ZNF184: variants seen among roughly 807,000 people sequenced by gnomAD.
ZNF184 encodes the protein zinc finger protein 184, also known as zinc finger protein 184 (Kruppel-like).
In ZNF184, 16 loss-of-function variants were observed where a neutral mutation model predicts 54.4. The observed-to-expected ratio is 0.29, with a 90% confidence interval of 0.20 to 0.45. ZNF184 has a LOEUF of 0.45. ZNF184 is among the 20% of genes least tolerant of loss of function. The pLI is 1.00. For missense variants in ZNF184, 681 were observed against 888.2 expected, an observed-to-expected ratio of 0.77 and a Z score of 2.97; for synonymous variants, 254 against 295.3, an observed-to-expected ratio of 0.86 and a Z score of 1.43.
chr6:27,441,010 A>G, the ZNF184 span, among the ~76,000 whole-genome samples: 285 of 152,200 alleles, frequency 1.9e-3, no homozygotes, highest in African/African-American at 6.2e-3. Flanking sequence ...GTCTCAAAAA[A>G]ATAAATAAAT....
chr6:27,405,534 C>A, the ZNF184 span: 1 of 152,258 alleles, frequency 6.6e-6, no homozygotes, highest in Non-Finnish European at 1.5e-5. Context: ...CCCCAGGCCC[C>A]ATGGCCTTAT....
intron 3 of ZNF184, among the ~76,000 whole-genome samples, chr6:27,464,908 T>C (rs1044913447): frequency 2.1e-5 from 3 of 144,718 alleles, no homozygotes; most frequent in East Asian, 4.2e-4. Flanking sequence ...TCCTAGCTAC[T>C]GGAGAGGCTG....
intron 2 of ZNF184, 143 bp from the exon 3 acceptor site, chr6:27,468,063 G>T: frequency 3.0e-6 from 2 of 673,804 alleles, no homozygotes; most frequent in Non-Finnish European, 4.6e-6. Context: ...AAAGTTACAA[G>T]ATAACTGGGG....
rs867113778 is a variant in ZNF184, at chr6:27,452,067, T to C, written c.1492A>G (p.Arg498Gly). The change falls in exon 6 of 6, where the codon AGA becomes GGA. Residue 498 changes from arginine to glycine, a missense_variant. Physicochemically the swap from Arg to Gly is moderately radical, Grantham distance 125 (BLOSUM62 -2). Transcript: ENST00000683788. The surrounding 1 kb of genome is among the most constrained non-coding windows in gnomAD (Gnocchi z 5.5). The stretch of plus-strand genomic sequence containing the variant: ...TCACTGCATTCAAAGGGCTTTTCTC[T>C]CGTGTGAATTCTCCGATGTTGAGTA... ...SLTQHRRIHTREKPFECSECG... is the reference protein window; with the variant it reads ...SLTQHRRIHTGEKPFECSECG... 1 of 1,613,946 alleles carries C rather than the reference T, an allele frequency of 6.2e-7. No individual in the cohort carries two copies. Among genetic ancestry groups the C allele is most frequent in the Non-Finnish European group, 8.5e-7 (1 of 1,179,992 alleles).
the ZNF184 span, among the ~76,000 whole-genome samples, chr6:27,439,685 T>A: frequency 2.0e-5 from 3 of 152,268 alleles, no homozygotes; most frequent in Non-Finnish European, 4.4e-5. Flanking sequence ...TAACTTTTAC[T>A]ACAGTATACT....
rs761778515 is a variant in ZNF184 at position 27,451,171 on chromosome 6, A to G, written c.*132T>C. On this transcript the variant is annotated 3_prime_UTR_variant, in exon 6 of 6. Coordinates refer to ENST00000683788, the MANE Select transcript of ZNF184 (RefSeq NM_001318891.2). ...ATTAGTTCAGCCCAATGTACTTTCC[A>G]TTCCATAACATGATAGTGAAAATTT... is the stretch of plus-strand genomic sequence containing the variant. 94 of 1,121,572 alleles carry G rather than the reference A, an allele frequency of 8.4e-5. No individual in the cohort carries two copies. Among genetic ancestry groups the G allele is most frequent in the Non-Finnish European group, 1.1e-4 (92 of 801,818 alleles). The allele number at this position is 1,121,572 out of a possible 1,614,324, so 69.5% of individuals were successfully genotyped here.
chr6:27,447,064 A>G (rs1165720055), downstream of ZNF184, among the ~76,000 whole-genome samples: 1 of 103,484 alleles, frequency 9.7e-6, no homozygotes, highest in Non-Finnish European at 2.0e-5. Flanking sequence ...AGATTGTGCC[A>G]CTGCAATCAA....
Position 27,472,926 on chromosome 6 carries a change from A to T in ZNF184, c.-337T>A, listed in dbSNP as rs920239124. 6.6e-6 allele frequency: 1 copy of T among 152,602 alleles called. No individual in the cohort carries two copies. The highest frequency in any genetic ancestry group is 1.5e-5 in the Non-Finnish European group (1 of 68,336). 9.5% of individuals were successfully genotyped at this position (152,602 alleles called of 1,614,324 possible). ...AGAGGCCTCTAAGCGCGAAATCAGA[A>T]GGGTGACGTCACGAGTCCGGAGGGC... On this transcript the variant is annotated 5_prime_UTR_variant, in exon 1 of 6. Transcript: ENST00000683788. This position sits in a 1 kb window ranked among gnomAD's most constrained non-coding sequence, Gnocchi z 4.8.
chr6:27,412,367 T>C, the ZNF184 span, among the ~76,000 whole-genome samples: 1 of 152,162 alleles, frequency 6.6e-6, no homozygotes, highest in African/African-American at 2.4e-5. Flanking sequence ...AGTGTAGGGT[T>C]AGAGACAACC....
At chr6:27,405,184 T>C in the ZNF184 span, 1 of 152,210 alleles carries the variant, frequency 6.6e-6, no homozygotes, top group African/African-American at 2.4e-5. Context: ...CTTCTACTTA[T>C]TTAAAAAAAG....
the ZNF184 span, chr6:27,406,631 C>T: frequency 1.3e-5 from 2 of 152,312 alleles, no homozygotes; most frequent in South Asian, 4.1e-4. Flanking sequence ...GCAGCAACAT[C>T]CTTCTCCCAA....
downstream of ZNF184, among the ~76,000 whole-genome samples, chr6:27,445,826 G>A (rs1213961739): frequency 1.3e-5 from 2 of 151,928 alleles, no homozygotes; most frequent in Non-Finnish European, 2.9e-5. Context: ...GGCCATCCTT[G>A]TATACAGTTG....
rs1762759279 is a variant in ZNF184, at chr6:27,452,633, T to C, written c.926A>G (p.Asp309Gly). 1.2e-6 allele frequency: 2 copies of C among 1,614,036 alleles called. No homozygotes were observed. Among genetic ancestry groups the C allele is most frequent in the African/African-American group, 2.7e-5 (2 of 75,056 alleles). The change falls in exon 6 of 6, where the codon GAT (aspartate) becomes GGT (glycine). Residue 309 changes from aspartate to glycine, a missense_variant. Transcript: ENST00000683788. This position sits in a 1 kb window ranked among gnomAD's most constrained non-coding sequence, Gnocchi z 5.5. ...IHTGEKPYKCDECGKAFSQRT... is the reference protein window; with the variant it reads ...IHTGEKPYKCGECGKAFSQRT... ...CTGACTAAAGGCTTTCCCACATTCA[T>C]CACATTTATATGGTTTTTCTCCAGT...
At chr6:27,416,334 A>G in the ZNF184 span, among the ~76,000 whole-genome samples, 2 of 152,330 alleles carry the variant, frequency 1.3e-5, no homozygotes, top group Admixed American at 1.3e-4. Flanking sequence ...ACAATTACCC[A>G]AAAGGATAGA....
At chr6:27,442,446 C>A in the ZNF184 span, among the ~76,000 whole-genome samples, 2 of 151,820 alleles carry the variant, frequency 1.3e-5, no homozygotes, top group Admixed American at 6.6e-5. Context: ...AAAGTGAGAC[C>A]CTGTCTCTAC....
intron 3 of ZNF184, among the ~76,000 whole-genome samples, chr6:27,465,030 A>AAAAAAAAGAAAG (rs1201935744): frequency 2.6e-4 from 39 of 148,656 alleles, no homozygotes; most frequent in African/African-American, 9.5e-4. Context: ...AAAAAAAAAA[A>AAAAAAAAGAAAG]AAAAAAATAG....
intron 3 of ZNF184, among the ~76,000 whole-genome samples, 178 bp downstream of exon 3, chr6:27,467,675 G>A (rs1763174405): frequency 6.6e-6 from 1 of 152,126 alleles, no homozygotes; most frequent in Admixed American, 6.6e-5. Flanking sequence ...AGTGGTAAGT[G>A]GTGAATGTAT....
intron 3 of ZNF184, among the ~76,000 whole-genome samples, chr6:27,458,669 A>G (rs1317064831): frequency 6.6e-6 from 1 of 152,156 alleles, no homozygotes; most frequent in Non-Finnish European, 1.5e-5. Context: ...ACAGTTTGGC[A>G]CTGTCTCAAA....
the ZNF184 span, among the ~76,000 whole-genome samples, chr6:27,421,371 T>G: frequency 0.59 from 90,420 of 151,978 alleles, 27,247 homozygotes; most frequent in Middle Eastern, 0.75. Context: ...CCACAGTTTT[T>G]TCATGAACCT....
Sources: gnomAD v4.1 joint callset for allele counts (sites outside exome capture counted in the v4.1 genomes callset) on GRCh38, gnomAD v4.1.1 for gene constraint, Gnocchi (gnomAD v3.1) non-coding constraint, MANE v1.5 for transcripts, NCBI Gene and HGNC (gene_info 2026-07-23, HGNC 2026-07-21) for gene names.